Variants in HCK observed in about 807,000 individuals in gnomAD.
HCK encodes tyrosine-protein kinase HCK.
Under a neutral mutation model 70.4 loss-of-function variants are expected in HCK, and 40 were observed. The ratio of observed to expected loss-of-function variants is 0.57; its 90% CI spans 0.44 to 0.74. The LOEUF (loss-of-function observed/expected upper bound fraction) is 0.74, where lower values mean the gene tolerates loss of function less well. Ranked by LOEUF, HCK falls within the 30% of genes least tolerant of loss-of-function variation. The probability of loss-of-function intolerance (pLI) is 0.00; values close to 1 mark genes in which losing one functional copy is unlikely to be tolerated. For missense variants in HCK, 568 were observed against 697.2 expected (o/e 0.81, Z 2.09); for synonymous variants, 245 against 263.2 (o/e 0.93, Z 0.67).
intron 6 of HCK, 106 bp downstream of exon 6, chr20:32,079,983 A>G: frequency 1.2e-6 from 1 of 812,782 alleles, no homozygotes. Flanking sequence ...GAAAAACCCA[A>G]CCAGGTGCTG....
At chr20:32,089,354 A>G (rs142160189) in intron 10 of HCK, among the ~76,000 whole-genome samples, 1 of 152,378 alleles carries the variant, frequency 6.6e-6, no homozygotes, top group East Asian at 1.9e-4. Context: ...ATAGAGCAGA[A>G]GTAAAGTACA....
At chr20:32,084,243 C>T in intron 7 of HCK, 148 bp from the exon 8 acceptor site, 5 of 1,053,226 alleles carry the variant, frequency 4.7e-6, no homozygotes, top group Non-Finnish European at 6.7e-6. Context: ...CACCCCGTCA[C>T]ACTCTGCTTG....
At position 32,076,805 on chromosome 20, in the gene HCK, G is replaced by GAAATACCACA. The variant is rs1568984685; in HGVS notation, c.428+2084_428+2085insAAATACCACA. 6.7e-4 allele frequency among the ~76,000 whole-genome samples: 102 copies of GAAATACCACA among 152,098 alleles called. No individual in the cohort carries two copies. The East Asian group carries it at 0.014, about 20-fold the overall frequency. On this transcript the variant is annotated intron_variant, in intron 5 of 12. Transcript: ENST00000375852. ...CCACTGATCTAAATACGCATATCTG[G>GAAATACCACA]CCAGGTGTGGTGGCTCACACCTGTA...
intron 10 of HCK, among the ~76,000 whole-genome samples, chr20:32,091,238 A>C (rs2045859492): frequency 6.6e-6 from 1 of 152,254 alleles, no homozygotes; most frequent in South Asian, 2.1e-4. Flanking sequence ...AACAGTGGTA[A>C]CTACCAGCAT....
intron 9 of HCK, among the ~76,000 whole-genome samples, chr20:32,087,143 T>A (rs1031265337): frequency 2.0e-5 from 3 of 152,054 alleles, no homozygotes; most frequent in Non-Finnish European, 4.4e-5. Flanking sequence ...GGGGTGCCAC[T>A]CTCCCGCATC....
chr20:32,094,787 G>GAGAAGAA (rs1286693158), intron 11 of HCK, among the ~76,000 whole-genome samples: 13 of 105,306 alleles, frequency 1.2e-4, no homozygotes, highest in African/African-American at 4.4e-4. Context: ...GAGAGAGAAA[G>GAGAAGAA]AGAAAGAAAG....
chr20:32,074,455 C>T (rs1220620090), intron 4 of HCK, among the ~76,000 whole-genome samples, 168 bp from the exon 5 acceptor site: 1 of 151,928 alleles, frequency 6.6e-6, no homozygotes, highest in Non-Finnish European at 1.5e-5. Context: ...TGTAAGGATC[C>T]CTACCCTAAT....
At chr20:32,061,000 T>C (rs747481287) in intron 1 of HCK, among the ~76,000 whole-genome samples, 3 of 152,164 alleles carry the variant, frequency 2.0e-5, no homozygotes, top group Admixed American at 1.3e-4. Flanking sequence ...TTTGTTTTTT[T>C]TGAGACAGAG....
At chr20:32,099,684 CAG>C (rs2122258617) in intron 12 of HCK, among the ~76,000 whole-genome samples, 1 of 152,062 alleles carries the variant, frequency 6.6e-6, no homozygotes, top group East Asian at 1.9e-4. Context: ...TGAGCAGTCA[CAG>C]GGTTTTGGCC....
intron 1 of HCK, among the ~76,000 whole-genome samples, chr20:32,070,895 G>A (rs548504210): frequency 1.3e-5 from 2 of 148,324 alleles, no homozygotes; most frequent in African/African-American, 5.0e-5. Context: ...GAAGAAAGAG[G>A]AGGAGGAGGG....
intron 1 of HCK, among the ~76,000 whole-genome samples, chr20:32,058,751 T>C (rs985323656): frequency 6.6e-6 from 1 of 151,930 alleles, no homozygotes; most frequent in Non-Finnish European, 1.5e-5. Flanking sequence ...CCAGAGACCC[T>C]CCTAGGGGAG....
At position 32,098,857 on chromosome 20, in the gene HCK, T is replaced by A. The variant is rs1017062777; in HGVS notation, c.1247-147T>A. 13 of 814,794 alleles carry A rather than the reference T, an allele frequency of 1.6e-5. No individual in the cohort carries two copies. The Admixed American group carries it at 2.4e-4, about 15-fold the overall frequency. 50.5% of individuals were successfully genotyped at this position (814,794 alleles called of 1,614,324 possible). A position where few individuals can be genotyped will look rare whatever the true frequency, so the allele number is the denominator to read the frequency against. On this transcript the variant is annotated intron_variant, in intron 11 of 12. Coordinates refer to ENST00000375852, the MANE Select transcript of HCK (RefSeq NM_002110.5). ...GTCCTCAGGATGGATGTCCCTTGCT[T>A]CCACAGGGAGGCCACGTATCAGGGA...
At position 32,086,577 on chromosome 20, in the gene HCK, C is replaced by T. The variant is rs762602289; in HGVS notation, c.836-51C>T. On this transcript the variant is annotated intron_variant, in intron 8 of 12. Coordinates refer to ENST00000375852, the MANE Select transcript of HCK (RefSeq NM_002110.5). ...TGCAGCTGGGCCTTCTAGGGTGGTA[C>T]GGGAGACCAGTGGGCTCTGACCACC... The T allele has an allele frequency of 1.7e-5, 25 of 1,491,548 alleles. No homozygotes were observed. In the East Asian group the frequency reaches 3.8e-4, roughly 22 times the overall value. 92.4% of individuals were successfully genotyped at this position (1,491,548 alleles called of 1,614,324 possible). A position where few individuals can be genotyped will look rare whatever the true frequency, so the allele number is the denominator to read the frequency against.
chr20:32,087,601 G>A (rs953515655), intron 9 of HCK, among the ~76,000 whole-genome samples: 1 of 151,756 alleles, frequency 6.6e-6, no homozygotes, highest in Non-Finnish European at 1.5e-5. Flanking sequence ...CCAGTAGCTG[G>A]CACTACAGGC....
At chr20:32,058,361 G>A (rs1309858178) in intron 1 of HCK, among the ~76,000 whole-genome samples, 2 of 151,892 alleles carry the variant, frequency 1.3e-5, no homozygotes, top group Non-Finnish European at 2.9e-5. Flanking sequence ...GTGAAACCCC[G>A]TCTCTACTAA....
rs997681080 is a variant in HCK, at chr20:32,094,128, G to A, written c.1246+112G>A. Reference sequence around the variant, plus strand: ...AATGCAAGGGACTGCCCCAGTACTAGCTGTGCATTCTTGAGCTTGGTGGAT... The same window carrying A: ...AATGCAAGGGACTGCCCCAGTACTAACTGTGCATTCTTGAGCTTGGTGGAT... On this transcript the variant is annotated intron_variant, in intron 11 of 12. Coordinates refer to ENST00000375852, the MANE Select transcript of HCK (RefSeq NM_002110.5). The A allele has an allele frequency of 4.2e-5, 42 of 995,918 alleles. No homozygotes were observed. In the Middle Eastern group the frequency reaches 6.5e-4, roughly 15 times the overall value. 61.7% of individuals were successfully genotyped at this position (995,918 alleles called of 1,614,324 possible).
intron 11 of HCK, among the ~76,000 whole-genome samples, chr20:32,095,151 C>A (rs573165734): frequency 5.3e-5 from 8 of 152,192 alleles, no homozygotes; most frequent in Non-Finnish European, 1.2e-4. Flanking sequence ...TGAAGTACTA[C>A]GCCAGGCTAG....
chr20:32,077,179 G>T (rs1316993821), intron 5 of HCK, among the ~76,000 whole-genome samples: 1 of 152,182 alleles, frequency 6.6e-6, no homozygotes, highest in African/African-American at 2.4e-5. Context: ...TGCTAACAGA[G>T]GTTGCCTCTG....
At position 32,052,246 on chromosome 20, in the gene HCK, C is replaced by A; in HGVS notation, c.-179C>A. The A allele has an allele frequency of 2.2e-6, 1 of 461,766 alleles. No individual in the cohort carries two copies. The highest frequency in any genetic ancestry group is 3.5e-5 in the East Asian group (1 of 28,184). 28.6% of individuals were successfully genotyped at this position (461,766 alleles called of 1,614,324 possible). A position where few individuals can be genotyped will look rare whatever the true frequency, so the allele number is the denominator to read the frequency against. On this transcript the variant is annotated 5_prime_UTR_variant, in exon 1 of 13. Coordinates refer to ENST00000375852, the MANE Select transcript of HCK (RefSeq NM_002110.5). ...CCCAGATGGCCTGCGGGCGCCACCA[C>A]GTCCCTGGTCCCAGCTCGGGAGCAC...
Sources: allele counts gnomAD v4.1 joint callset (sites outside exome capture counted in the v4.1 genomes callset), GRCh38; gene constraint gnomAD v4.1.1; transcripts MANE v1.5; gene names NCBI Gene and HGNC (gene_info 2026-07-23, HGNC 2026-07-21).